Variants in DCC observed in about 807,000 individuals in gnomAD.
DCC encodes DCC netrin 1 receptor, also known as netrin receptor DCC.
DCC carries 58 observed loss-of-function variants against 172.5 expected under a neutral mutation model. The ratio of observed to expected loss-of-function variants is 0.34; its 90% CI spans 0.27 to 0.42. The LOEUF (loss-of-function observed/expected upper bound fraction) is 0.42. Among genes scored for constraint, DCC ranks in the 10% least tolerant of loss-of-function variants. DCC has a pLI of 1.00. For missense variants in DCC, 1,740 were observed against 1,791.0 expected (o/e 0.97, Z 0.51); for synonymous variants, 709 against 644.5 (o/e 1.10, Z -1.52).
At chr18:53,033,873 A>G (rs981912295) in intron 5 of DCC, among the ~76,000 whole-genome samples, 8 of 152,094 alleles carry the variant, frequency 5.3e-5, no homozygotes, top group South Asian at 2.1e-4. Flanking sequence ...AAGGTCTCCA[A>G]TGACCTGTAT....
rs149240305 is a variant in DCC at position 52,645,065 on chromosome 18, G to A, written c.92-106989G>A. 2.8e-3 allele frequency among the ~76,000 whole-genome samples: 423 copies of A among 152,024 alleles called. 1 individual carries two copies. Among genetic ancestry groups the A allele is most frequent in the African/African-American group, 9.7e-3 (401 of 41,462 alleles). The stretch of plus-strand genomic sequence containing the variant: ...TTGTTCATTTGTTTTTGTAAGAAGC[G>A]GATTTCCCCATTGATTTTGCATTTA... On this transcript the variant is annotated intron_variant, in intron 1 of 28. Coordinates refer to ENST00000442544, the MANE Select transcript of DCC (RefSeq NM_005215.4).
chr18:52,877,716 T>A (rs1031373596), intron 2 of DCC, among the ~76,000 whole-genome samples: 5 of 151,244 alleles, frequency 3.3e-5, no homozygotes, highest in African/African-American at 7.3e-5. Flanking sequence ...AAAAAAAAAA[T>A]TAGTAAAGTT....
chr18:53,373,421 A>T (rs1459268934), intron 15 of DCC, among the ~76,000 whole-genome samples: 2 of 152,186 alleles, frequency 1.3e-5, no homozygotes, highest in African/African-American at 4.8e-5. Flanking sequence ...GTGAGCAACT[A>T]AAATGCTACT....
At chr18:52,459,929 A>G (rs1003944742) in intron 1 of DCC, among the ~76,000 whole-genome samples, 2 of 151,926 alleles carry the variant, frequency 1.3e-5, no homozygotes, top group Admixed American at 6.6e-5. Context: ...ATATATATAT[A>G]CACACCACAT....
At position 53,486,835 on chromosome 18, in the gene DCC, G is replaced by A. The variant is rs762874403; in HGVS notation, c.3775G>A (p.Ala1259Thr). The change falls in exon 26 of 29, where the codon GCC becomes ACC. Residue 1259 changes from alanine (A) to threonine (T), a missense_variant. Coordinates refer to ENST00000442544, the MANE Select transcript of DCC (RefSeq NM_005215.4). The stretch of plus-strand genomic sequence containing the variant: ...CATCCCGGTGCCAACGCTAGAAAGT[G>A]CCCAGTACCCAGGAATCCTCCCGTC... ...SAIPVPTLES[A>T]QYPGILPSPT... The A allele has an allele frequency of 3.1e-6, 5 of 1,614,022 alleles. No homozygotes were observed. In the South Asian group the frequency reaches 3.3e-5, roughly 11 times the overall value.
At chr18:53,210,218 T>C (rs1259085074) in intron 11 of DCC, among the ~76,000 whole-genome samples, 1 of 152,222 alleles carries the variant, frequency 6.6e-6, no homozygotes, top group Non-Finnish European at 1.5e-5. Flanking sequence ...TCTCCTCCTC[T>C]GTCCTGAAGC....
chr18:53,175,686 A>G (rs1273014219), intron 8 of DCC, among the ~76,000 whole-genome samples: 1 of 152,142 alleles, frequency 6.6e-6, no homozygotes, highest in Non-Finnish European at 1.5e-5. Flanking sequence ...GAGGATACAA[A>G]CAAATGGAAG....
intron 1 of DCC, among the ~76,000 whole-genome samples, chr18:52,375,678 A>G (rs1985316826): frequency 6.6e-6 from 1 of 152,146 alleles, no homozygotes; most frequent in Admixed American, 6.5e-5. Context: ...ACAATTTTAA[A>G]TGGAAGTATA....
intron 14 of DCC, among the ~76,000 whole-genome samples, chr18:53,333,095 G>T (rs946473574): frequency 6.6e-6 from 1 of 150,872 alleles, no homozygotes; most frequent in South Asian, 2.1e-4. Flanking sequence ...GGAGAATATT[G>T]ACAAAATATT....
chr18:53,101,013 C>A (rs1007471268), intron 7 of DCC, among the ~76,000 whole-genome samples: 2 of 152,074 alleles, frequency 1.3e-5, no homozygotes, highest in Non-Finnish European at 2.9e-5. Flanking sequence ...GCACCTTCAC[C>A]TTCATCTTGT....
intron 1 of DCC, among the ~76,000 whole-genome samples, chr18:52,635,874 C>T (rs762211663): frequency 1.3e-5 from 2 of 152,162 alleles, no homozygotes; most frequent in African/African-American, 2.4e-5. Flanking sequence ...CACCTCTAGA[C>T]AGAGCAGCCG....
intron 12 of DCC, among the ~76,000 whole-genome samples, chr18:53,220,214 T>C (rs1264202468): frequency 6.6e-6 from 1 of 152,184 alleles, no homozygotes. Context: ...AGTTTTGTTT[T>C]GTTTTTTTCT....
intron 2 of DCC, among the ~76,000 whole-genome samples, chr18:52,880,655 C>G (rs374282270): frequency 6.6e-6 from 1 of 152,128 alleles, no homozygotes; most frequent in Non-Finnish European, 1.5e-5. Context: ...ACATAATGAC[C>G]TCCACCTCCA....
chr18:52,573,076 G>T (rs2033337605), intron 1 of DCC, among the ~76,000 whole-genome samples: 1 of 152,100 alleles, frequency 6.6e-6, no homozygotes, highest in Non-Finnish European at 1.5e-5. Context: ...GCATTGTCTT[G>T]TAACAGGAAA....
chr18:52,607,310 A>G (rs1453272109), intron 1 of DCC, among the ~76,000 whole-genome samples: 1 of 152,090 alleles, frequency 6.6e-6, no homozygotes, highest in African/African-American at 2.4e-5. Context: ...CCCTACTTGC[A>G]AAGGGATGAA....
chr18:53,407,320 C>G (rs958365068), intron 19 of DCC, among the ~76,000 whole-genome samples: 1 of 151,278 alleles, frequency 6.6e-6, no homozygotes, highest in Non-Finnish European at 1.5e-5. Context: ...AAGTGACTTT[C>G]GATACCTCTT....
At chr18:52,364,368 CAT>C (rs34355479) in intron 1 of DCC, among the ~76,000 whole-genome samples, 16,088 of 152,138 alleles carry the variant, frequency 0.11, 1,242 homozygotes, top group East Asian at 0.37. Context: ...CTCATCGTTA[CAT>C]GACTCAGAGT....
chr18:52,887,269 T>C (rs186744263), intron 2 of DCC, among the ~76,000 whole-genome samples: 52 of 152,330 alleles, frequency 3.4e-4, no homozygotes, highest in African/African-American at 1.2e-3. Flanking sequence ...TCTATCCTTG[T>C]ACTACCTCTT....
At chr18:52,517,578 T>C (rs141808569) in intron 1 of DCC, among the ~76,000 whole-genome samples, 68 of 152,356 alleles carry the variant, frequency 4.5e-4, no homozygotes, top group African/African-American at 1.6e-3. Flanking sequence ...ATTTATCTCT[T>C]TCCTTTTTAT....
Sources: gnomAD v4.1 joint callset for allele counts (sites outside exome capture counted in the v4.1 genomes callset) on GRCh38, gnomAD v4.1.1 for gene constraint, MANE v1.5 for transcripts, NCBI Gene and HGNC (gene_info 2026-07-23, HGNC 2026-07-21) for gene names.